SMC3: variants seen among roughly 807,000 people sequenced by gnomAD.
The protein encoded by SMC3 is structural maintenance of chromosomes 3, also known as structural maintenance of chromosomes protein 3.
SMC3 carries 20 observed loss-of-function variants against 171.8 expected under a neutral mutation model. That is an observed-to-expected ratio of 0.12 (90% CI 0.08 to 0.17). The LOEUF (loss-of-function observed/expected upper bound fraction) is 0.17, where lower values mean the gene tolerates loss of function less well. Among genes scored for constraint, SMC3 ranks in the 10% least tolerant of loss-of-function variants. The pLI, the probability that SMC3 is intolerant of heterozygous loss-of-function variation, is 1.00. For synonymous variants in SMC3, 464 were observed against 451.1 expected, an observed-to-expected ratio of 1.03 and a Z score of -0.36; for missense variants, 543 against 1,420.4, an observed-to-expected ratio of 0.38 and a Z score of 9.93.
intron 7 of SMC3, 127 bp from the exon 8 acceptor site, chr10:110,580,777 C>G: frequency 5.6e-6 from 4 of 718,084 alleles, no homozygotes; most frequent in East Asian, 2.5e-5. Context: ...TGTAACACTT[C>G]TGGTTTCTAA....
intron 5 of SMC3, 106 bp from the exon 6 acceptor site, chr10:110,577,729 A>G (rs1860973795): frequency 2.5e-6 from 2 of 799,858 alleles, no homozygotes; most frequent in Non-Finnish European, 4.1e-6. Flanking sequence ...GAGATAATTG[A>G]AATTTTAAAA....
intron 7 of SMC3, among the ~76,000 whole-genome samples, chr10:110,579,747 G>A (rs1433410599): frequency 6.6e-6 from 1 of 152,140 alleles, no homozygotes; most frequent in Non-Finnish European, 1.5e-5. Flanking sequence ...TGAGGAAATT[G>A]CATGAACCAA....
Position 110,575,357 on chromosome 10 carries a change from A to T in SMC3, c.152A>T (p.Asp51Val), listed in dbSNP as rs1860932207. ...FFYAIQFVLS[D>V]EFSHLRPEQR... is the part of the protein sequence containing the mutation. Reference sequence around the variant, plus strand: ...CCAGCAATTCAGTTTGTTCTCAGTGATGAGTTTAGTCATCTTCGTCCAGAA... The same window carrying T: ...CCAGCAATTCAGTTTGTTCTCAGTGTTGAGTTTAGTCATCTTCGTCCAGAA... Residue 51 changes from aspartate (D) to valine (V), a missense_variant, in exon 4 of 29, where the codon GAT (aspartate) becomes GTT (valine). Asp to Val is a radical substitution (Grantham distance 152). Coordinates refer to ENST00000361804, the MANE Select transcript of SMC3 (RefSeq NM_005445.4). 1 of 1,613,562 alleles carries T rather than the reference A, an allele frequency of 6.2e-7. No individual in the cohort carries two copies. Among genetic ancestry groups the T allele is most frequent in the Non-Finnish European group, 8.5e-7 (1 of 1,179,754 alleles).
intron 18 of SMC3, among the ~76,000 whole-genome samples, chr10:110,593,609 G>A (rs1274875236): frequency 6.6e-6 from 1 of 152,000 alleles, no homozygotes; most frequent in Non-Finnish European, 1.5e-5. Context: ...TAATATGTCA[G>A]TTGAGCTGTA....
Position 110,604,956 on chromosome 10 carries a change from TAC to T in SMC3, c.*656_*657del, listed in dbSNP as rs1374750933. On this transcript the variant is annotated 3_prime_UTR_variant, in exon 29 of 29. Coordinates refer to ENST00000361804, the MANE Select transcript of SMC3 (RefSeq NM_005445.4). ...CCACAGAGGATACATTACATTTACT[TAC>T]ATCTCCTCTAGTCTGTGACAATTTC... 6.6e-6 allele frequency among the ~76,000 whole-genome samples: 1 copy of T among 152,204 alleles called. No individual in the cohort carries two copies. The highest frequency in any genetic ancestry group is 2.4e-5 in the African/African-American group (1 of 41,456).
rs529113248 is a variant in SMC3, at chr10:110,594,994, A to ATTT, written c.1964-1394_1964-1392dup. 1.0e-3 allele frequency among the ~76,000 whole-genome samples: 146 copies of ATTT among 145,734 alleles called. 1 individual carries two copies. The East Asian group carries it at 0.014, about 14-fold the overall frequency. ...AGTATGCATATAGTGTCTTCTCTTT[A>ATTT]TTTTTTTTTTTTGAGATGGAGTTTC... On this transcript the variant is annotated intron_variant, in intron 18 of 28. Transcript: ENST00000361804.
chr10:110,593,344 G>A lies in SMC3; in HGVS notation c.1963+121G>A, dbSNP rs573397698. On this transcript the variant is annotated intron_variant, in intron 18 of 28. Coordinates refer to ENST00000361804, the MANE Select transcript of SMC3 (RefSeq NM_005445.4). ...CCCAGCACTTTGGGAGGCTGAGGCG[G>A]GTGGATCACCTGAAGTCAGGAGTTC... 1.6e-5 allele frequency: 16 copies of A among 985,382 alleles called. No individual in the cohort carries two copies. The South Asian group carries it at 2.2e-4, about 14-fold the overall frequency. 61.0% of individuals were successfully genotyped at this position (985,382 alleles called of 1,614,324 possible). A position where few individuals can be genotyped will look rare whatever the true frequency, so the allele number is the denominator to read the frequency against.
rs753237608 is a variant in SMC3 at position 110,581,064 on chromosome 10, A to T, written c.547+43A>T. ...CTGCCTTATTTTTTTGTTGCAAATT[A>T]CTGTTTTTGTGACAGAGTGGCTCCA... On this transcript the variant is annotated intron_variant, in intron 8 of 28. Transcript: ENST00000361804. 15 of 1,102,130 alleles carry T rather than the reference A, an allele frequency of 1.4e-5. No homozygotes were observed. The African/African-American group carries it at 2.3e-4, about 17-fold the overall frequency. The allele number at this position is 1,102,130 out of a possible 1,614,324, so 68.3% of individuals were successfully genotyped here. A position where few individuals can be genotyped will look rare whatever the true frequency, so the allele number is the denominator to read the frequency against.
At chr10:110,584,466 CAA>C (rs1370433234) in intron 13 of SMC3, 70 bp downstream of exon 13, 6 of 1,105,700 alleles carry the variant, frequency 5.4e-6, no homozygotes, top group African/African-American at 1.6e-5. Context: ...TTATCTACTT[CAA>C]GTTTTCTTTT....
chr10:110,568,327 T>C, intron 1 of SMC3: 1 of 177,514 alleles, frequency 5.6e-6, no homozygotes, highest in Non-Finnish European at 1.2e-5. Context: ...GAGCCGTTCT[T>C]CTCCCCAGTT....
At chr10:110,580,811 A>G (rs1861019214) in intron 7 of SMC3, 93 bp from the exon 8 acceptor site, 4 of 783,674 alleles carry the variant, frequency 5.1e-6, no homozygotes, top group Admixed American at 3.5e-5. Context: ...GGGATACCCA[A>G]CCTTCATGTG....
chr10:110,575,022 G>C (rs377576914), intron 3 of SMC3, among the ~76,000 whole-genome samples: 18 of 152,054 alleles, frequency 1.2e-4, no homozygotes, highest in East Asian at 5.8e-4. Context: ...ACCTAATCCA[G>C]TCAGTGAACA....
chr10:110,580,012 G>A (rs1052182941), intron 7 of SMC3, among the ~76,000 whole-genome samples: 4 of 151,898 alleles, frequency 2.6e-5, no homozygotes, highest in Non-Finnish European at 5.9e-5. Flanking sequence ...TGCAAGTTCA[G>A]CCAACCATGG....
In SMC3 at chr10:110,581,110, T is replaced by G; in HGVS notation, c.547+89T>G. 4 of 788,908 alleles carry G rather than the reference T, an allele frequency of 5.1e-6. No individual in the cohort carries two copies. The East Asian group carries it at 9.7e-5, about 19-fold the overall frequency. The allele number at this position is 788,908 out of a possible 1,614,324, so 48.9% of individuals were successfully genotyped here. On this transcript the variant is annotated intron_variant, in intron 8 of 28. Transcript: ENST00000361804. ...CTCCATGATGGGAATATAGTAGGTG[T>G]TTAGTATATGACAGCATTAGATAAT...
intron 8 of SMC3, among the ~76,000 whole-genome samples, chr10:110,581,496 C>G (rs1256516834): frequency 6.6e-6 from 1 of 152,062 alleles, no homozygotes; most frequent in East Asian, 1.9e-4. Flanking sequence ...TGGGATTACT[C>G]ATGAGCCACT....
chr10:110,600,366 A>G, intron 21 of SMC3, 73 bp from the exon 22 acceptor site: 1 of 796,858 alleles, frequency 1.3e-6, no homozygotes, highest in Non-Finnish European at 2.3e-6. Flanking sequence ...AGTACTAGAG[A>G]GGACAGCAAA....
At chr10:110,603,053 AT>A in intron 27 of SMC3, 51 bp downstream of exon 27, 1 of 1,589,222 alleles carries the variant, frequency 6.3e-7, no homozygotes, top group Non-Finnish European at 8.6e-7. Context: ...AGCTGGTAAT[AT>A]TTGCTGATGT....
At chr10:110,600,352 C>T (rs1861366879) in intron 21 of SMC3, 87 bp from the exon 22 acceptor site, 7 of 757,920 alleles carry the variant, frequency 9.2e-6, no homozygotes, top group Non-Finnish European at 2.4e-6. Flanking sequence ...CTCACATGAG[C>T]ACAAGTACTA....
In SMC3 at chr10:110,599,814, TA is replaced by T; in HGVS notation, c.2427+4del. On this transcript the variant is annotated splice_donor_region_variant and intron_variant, in intron 21 of 28. Coordinates refer to ENST00000361804, the MANE Select transcript of SMC3 (RefSeq NM_005445.4). ...GATGAGATTCGTCAACTTCAGCAGG[TA>T]AGTAGACAGCTGACTGGAAAAAGAA... 6.2e-7 allele frequency: 1 copy of T among 1,613,730 alleles called. No homozygotes were observed. The highest frequency in any genetic ancestry group is 8.5e-7 in the Non-Finnish European group (1 of 1,179,714).
Sources: gnomAD v4.1 joint callset for allele counts (sites outside exome capture counted in the v4.1 genomes callset) on GRCh38, gnomAD v4.1.1 for gene constraint, MANE v1.5 for transcripts, NCBI Gene and HGNC (gene_info 2026-07-23, HGNC 2026-07-21) for gene names.